SRGAP1: variants seen among roughly 807,000 people sequenced by gnomAD.
The protein encoded by SRGAP1 is SLIT-ROBO Rho GTPase-activating protein 1.
In SRGAP1, 43 loss-of-function variants were observed where a neutral mutation model predicts 121.9. That is an observed-to-expected ratio of 0.35 (90% confidence interval 0.28 to 0.46). The LOEUF is 0.46. SRGAP1 is among the 20% of genes least tolerant of loss of function. SRGAP1 has a pLI of 1.00. For synonymous variants in SRGAP1, 447 were observed against 485.4 expected, an observed-to-expected ratio of 0.92 and a Z score of 1.04; for missense variants, 1,102 against 1,350.9, an observed-to-expected ratio of 0.82 and a Z score of 2.89.
intron 1 of SRGAP1, among the ~76,000 whole-genome samples, chr12:63,964,065 GAAGTA>G (rs1252023957): frequency 6.6e-6 from 1 of 152,118 alleles, no homozygotes; most frequent in Non-Finnish European, 1.5e-5. Flanking sequence ...AAAAGAGGAG[GAAGTA>G]AAGAATTCTA....
At chr12:64,059,869 G>A (rs2035413840) in intron 6 of SRGAP1, among the ~76,000 whole-genome samples, 1 of 152,140 alleles carries the variant, frequency 6.6e-6, no homozygotes, top group Admixed American at 6.5e-5. Context: ...ACTGATTGCT[G>A]CATTTCACAA....
At chr12:64,060,156 C>A (rs981098224) in intron 6 of SRGAP1, among the ~76,000 whole-genome samples, 6 of 149,382 alleles carry the variant, frequency 4.0e-5, no homozygotes, top group African/African-American at 1.5e-4. Context: ...CTTTTTCCTT[C>A]CTTCCATCCT....
At position 64,091,279 on chromosome 12, in the gene SRGAP1, T is replaced by C; in HGVS notation, c.1440T>C (p.Pro480=). Residue 480 remains proline (P), a synonymous_variant, in exon 12 of 22, where the codon CCT becomes CCC. Coordinates refer to ENST00000355086, the MANE Select transcript of SRGAP1 (RefSeq NM_020762.4). The part of the protein sequence containing the change: ...GHRAEYMTTR[P]PNVPPKPQKH... ...TAATTATATTCCCTTCCCTTAGGCC[T>C]CCAAATGTTCCCCCTAAGCCCCAGA... 1 of 1,589,040 alleles carries C rather than the reference T, an allele frequency of 6.3e-7. No individual in the cohort carries two copies.
intron 1 of SRGAP1, among the ~76,000 whole-genome samples, chr12:63,966,865 C>T (rs1565973929): frequency 6.6e-6 from 1 of 152,184 alleles, no homozygotes. Context: ...CTTTTAGCCT[C>T]TGGTTCCCAG....
intron 16 of SRGAP1, among the ~76,000 whole-genome samples, chr12:64,109,902 A>T (rs2036404429): frequency 6.6e-6 from 1 of 152,126 alleles, no homozygotes; most frequent in Admixed American, 6.5e-5. Context: ...AATCATACCC[A>T]CTCAGCTTGA....
In SRGAP1 at chr12:63,942,239, T is replaced by G. The variant is rs571513132; in HGVS notation, c.68-41708T>G. Among the ~76,000 whole-genome samples, 3 of 152,320 alleles carry G rather than the reference T, an allele frequency of 2.0e-5. No homozygotes were observed. In the South Asian group the frequency reaches 6.2e-4, roughly 32 times the overall value. On this transcript the variant is annotated intron_variant, in intron 1 of 21. Coordinates refer to ENST00000355086, the MANE Select transcript of SRGAP1 (RefSeq NM_020762.4). Reference sequence around the variant, plus strand: ...CATTTATACTCTAAGAAAAATACTTTATTGTAGTTCTTTAATTAAACAGAA... The same window carrying G: ...CATTTATACTCTAAGAAAAATACTTGATTGTAGTTCTTTAATTAAACAGAA...
At chr12:63,885,307 G>C (rs562705388) in intron 1 of SRGAP1, among the ~76,000 whole-genome samples, 70 of 152,154 alleles carry the variant, frequency 4.6e-4, no homozygotes, top group African/African-American at 1.5e-3. Context: ...CACGCTTACT[G>C]GTTTATTATA....
At chr12:63,967,190 C>T (rs2032812503) in intron 1 of SRGAP1, among the ~76,000 whole-genome samples, 1 of 152,136 alleles carries the variant, frequency 6.6e-6, no homozygotes, top group Non-Finnish European at 1.5e-5. Flanking sequence ...CCTGTAATTC[C>T]CCCACCTTGC....
Position 63,896,276 on chromosome 12 carries a change from A to G in SRGAP1, c.67+51393A>G, listed in dbSNP as rs115609894. Among the ~76,000 whole-genome samples the G allele has an allele frequency of 6.4e-3, 969 of 152,354 alleles. 16 individuals carry two copies. The highest frequency in any genetic ancestry group is 0.022 in the African/African-American group (911 of 41,580). On this transcript the variant is annotated intron_variant, in intron 1 of 21. Coordinates refer to ENST00000355086, the MANE Select transcript of SRGAP1 (RefSeq NM_020762.4). ...ATAATAATACGATGGTGATGTATTA[A>G]TAATTTAGTGAATTACCTGTTAGGA...
At chr12:63,985,132 A>G (rs1245126170) in intron 2 of SRGAP1, among the ~76,000 whole-genome samples, 1 of 152,060 alleles carries the variant, frequency 6.6e-6, no homozygotes, top group Non-Finnish European at 1.5e-5. Flanking sequence ...GACCCAACTG[A>G]TATCTGTTCT....
At chr12:63,976,752 G>A (rs151270095) in intron 1 of SRGAP1, among the ~76,000 whole-genome samples, 356 of 152,198 alleles carry the variant, frequency 2.3e-3, no homozygotes, top group Non-Finnish European at 4.1e-3. Context: ...TTTATAAAAT[G>A]AAATTCCGAG....
At chr12:63,857,852 A>T (rs1270331521) in intron 1 of SRGAP1, among the ~76,000 whole-genome samples, 1 of 152,212 alleles carries the variant, frequency 6.6e-6, no homozygotes, top group Non-Finnish European at 1.5e-5. Context: ...CAGAATTTCC[A>T]GTACAAAATT....
At chr12:64,010,794 CTG>C (rs777237092) in intron 3 of SRGAP1, among the ~76,000 whole-genome samples, 3 of 151,776 alleles carry the variant, frequency 2.0e-5, no homozygotes, top group Non-Finnish European at 4.4e-5. Flanking sequence ...AGTGGAAAAA[CTG>C]AGGCTTTGCA....
chr12:64,124,143 T>C (rs983606425), intron 18 of SRGAP1, among the ~76,000 whole-genome samples: 2 of 152,254 alleles, frequency 1.3e-5, no homozygotes, highest in Admixed American at 1.3e-4. Context: ...CCAGGGCCTT[T>C]ATATAATAAG....
At chr12:63,880,367 G>T (rs117820100) in intron 1 of SRGAP1, among the ~76,000 whole-genome samples, 7,516 of 152,098 alleles carry the variant, frequency 0.049, 287 homozygotes, top group Middle Eastern at 0.14. Context: ...CAGCAGCTGG[G>T]ATTACAGACG....
chr12:63,901,626 C>G (rs375553000), intron 1 of SRGAP1, among the ~76,000 whole-genome samples: 29 of 152,308 alleles, frequency 1.9e-4, no homozygotes, highest in African/African-American at 7.0e-4. Context: ...TTTTGCACAT[C>G]TTGTTTGTTT....
At chr12:64,029,963 C>T (rs994536837) in intron 4 of SRGAP1, among the ~76,000 whole-genome samples, 3 of 151,978 alleles carry the variant, frequency 2.0e-5, no homozygotes, top group African/African-American at 7.3e-5. Flanking sequence ...ACTGAGATTT[C>T]TTAAAATCCC....
At chr12:63,942,697 T>C (rs118022352) in intron 1 of SRGAP1, among the ~76,000 whole-genome samples, 1 of 152,216 alleles carries the variant, frequency 6.6e-6, no homozygotes, top group Non-Finnish European at 1.5e-5. Flanking sequence ...GCTGCTTTTT[T>C]CTTTCTTCTC....
chr12:63,920,756 A>G (rs571245370), intron 1 of SRGAP1, among the ~76,000 whole-genome samples: 2 of 152,250 alleles, frequency 1.3e-5, no homozygotes, highest in East Asian at 1.9e-4. Flanking sequence ...AGACCTGTAA[A>G]TGGTTTGGAT....
Sources: gnomAD v4.1 joint callset for allele counts (sites outside exome capture counted in the v4.1 genomes callset) on GRCh38, gnomAD v4.1.1 for gene constraint, MANE v1.5 for transcripts, NCBI Gene and HGNC (gene_info 2026-07-23, HGNC 2026-07-21) for gene names.